The following WNK2 variants were observed in gnomAD, a reference collection of about 807,000 sequenced individuals.
WNK2 encodes the protein WNK lysine deficient protein kinase 2.
Under a neutral mutation model 192.1 loss-of-function variants are expected in WNK2, and 67 were observed. The ratio of observed to expected loss-of-function variants is 0.35; its 90% CI spans 0.29 to 0.43. The LOEUF is 0.43. Among genes scored for constraint, WNK2 ranks in the 20% least tolerant of loss-of-function variants. The pLI is 1.00. For missense variants in WNK2, 2,698 were observed against 3,089.7 expected, an observed-to-expected ratio of 0.87 and a Z score of 3.01; for synonymous variants, 1,439 against 1,393.9, an observed-to-expected ratio of 1.03 and a Z score of -0.72.
intron 9 of WNK2, among the ~76,000 whole-genome samples, chr9:93,255,795 G>A (rs147651987): frequency 1.3e-5 from 2 of 152,258 alleles, no homozygotes; most frequent in East Asian, 1.9e-4. Flanking sequence ...TAACAAATTC[G>A]CAGCAATTCC....
rs376985644 is a variant in WNK2 at position 93,229,688 on chromosome 9, C to A, written c.682-8C>A. ...TCTTGCCCACTTAGCATGTCTCTTG[C>A]CCTGTAGGACCGGAAGCTCACCAAG... On this transcript the variant is annotated splice_polypyrimidine_tract_variant and splice_region_variant and intron_variant, in intron 2 of 29. Coordinates refer to ENST00000427277, the MANE Select transcript of WNK2 (RefSeq NM_006648.4). The surrounding 1 kb of genome is among the most constrained non-coding windows in gnomAD (Gnocchi z 4.9). 2 of 1,611,482 alleles carry A rather than the reference C, an allele frequency of 1.2e-6. No homozygotes were observed. The highest frequency in any genetic ancestry group is 1.7e-6 in the Non-Finnish European group (2 of 1,178,648).
At chr9:93,277,489 A>G (rs1034590558) in intron 19 of WNK2, among the ~76,000 whole-genome samples, 1 of 152,216 alleles carries the variant, frequency 6.6e-6, no homozygotes, top group African/African-American at 2.4e-5. Flanking sequence ...GTGAATAGAT[A>G]AAAACTATGG....
chr9:93,232,623 C>A (rs1334789025), intron 4 of WNK2, among the ~76,000 whole-genome samples: 1 of 152,238 alleles, frequency 6.6e-6, no homozygotes, highest in Non-Finnish European at 1.5e-5. Flanking sequence ...TGTGAAGCGG[C>A]AGCCCCGGCA....
chr9:93,245,300 A>C (rs981596966), intron 7 of WNK2, among the ~76,000 whole-genome samples: 1 of 152,178 alleles, frequency 6.6e-6, no homozygotes, highest in East Asian at 1.9e-4. Context: ...AATACCGTCA[A>C]TCCTCAGGCC....
At position 93,185,406 on chromosome 9, in the gene WNK2, C is replaced by T; in HGVS notation, c.477C>T (p.Ala159=). ...ATVRKEDEGA[A]EAKPEPGRTR... is the part of the protein sequence containing the mutation. ...TGAGGAAGGAGGATGAGGGGGCGGC[C>T]GAGGCGAAGCCTGAGCCCGGGCGCA... The change falls in exon 2 of 30, where the codon GCC becomes GCT. Residue 159 remains alanine (A), a synonymous_variant. Transcript: ENST00000427277. The T allele has an allele frequency of 6.2e-7, 1 of 1,606,474 alleles. No individual in the cohort carries two copies. The highest frequency in any genetic ancestry group is 8.5e-7 in the Non-Finnish European group (1 of 1,177,380).
intron 28 of WNK2, among the ~76,000 whole-genome samples, chr9:93,309,471 C>T (rs1349608504): frequency 6.6e-6 from 1 of 152,156 alleles, no homozygotes. Context: ...TGGTATCTCT[C>T]CTCTAAATTT....
chr9:93,204,728 C>A (rs2131344853), intron 2 of WNK2, among the ~76,000 whole-genome samples: 1 of 152,052 alleles, frequency 6.6e-6, no homozygotes, highest in Non-Finnish European at 1.5e-5. Flanking sequence ...ATGTGAATGT[C>A]ATAGCAGATT....
At position 93,235,018 on chromosome 9, in the gene WNK2, C is replaced by T. The variant is rs143923367; in HGVS notation, c.1233+53C>T. 1.5e-4 allele frequency: 236 copies of T among 1,600,064 alleles called. 1 individual carries two copies. The East Asian group carries it at 1.7e-3, about 11-fold the overall frequency. On this transcript the variant is annotated intron_variant, in intron 5 of 29. Coordinates refer to ENST00000427277, the MANE Select transcript of WNK2 (RefSeq NM_006648.4). Reference sequence around the variant, plus strand: ...TAATAAGGACACAGAGGCCTTGGGCCGTACCCTGGGCTGGGCTCCATGTGG... The same window carrying T: ...TAATAAGGACACAGAGGCCTTGGGCTGTACCCTGGGCTGGGCTCCATGTGG...
At chr9:93,217,629 C>G (rs946606823) in intron 2 of WNK2, among the ~76,000 whole-genome samples, 2 of 152,234 alleles carry the variant, frequency 1.3e-5, no homozygotes, top group African/African-American at 4.8e-5. Flanking sequence ...CTGCTTTACC[C>G]TTCCATGGTC....
intron 19 of WNK2, among the ~76,000 whole-genome samples, chr9:93,274,297 C>T (rs578146312): frequency 7.8e-4 from 119 of 152,128 alleles, no homozygotes; most frequent in African/African-American, 2.3e-3. Context: ...TGGATCACGA[C>T]GTCAGGAGAT....
In WNK2 at chr9:93,289,549, G is replaced by T. The variant is rs372738488; in HGVS notation, c.4795G>T (p.Gly1599Trp). 5 of 1,565,078 alleles carry T rather than the reference G, an allele frequency of 3.2e-6. No homozygotes were observed. The highest frequency in any genetic ancestry group is 4.3e-6 in the Non-Finnish European group (5 of 1,152,900). The change falls in exon 20 of 30, where the codon GGG (glycine) becomes TGG (tryptophan). Residue 1599 changes from glycine to tryptophan, a missense_variant. Coordinates refer to ENST00000427277, the MANE Select transcript of WNK2 (RefSeq NM_006648.4). ...RGDQPRSEVC[G>W]GDLALPPVPK... The stretch of plus-strand genomic sequence containing the variant: ...GGACCAGCCCCGCTCAGAGGTCTGC[G>T]GGGGGGACCTGGCCCTGCCCCCAGT...
intron 24 of WNK2, among the ~76,000 whole-genome samples, chr9:93,298,493 G>A (rs968044196): frequency 2.0e-5 from 3 of 152,204 alleles, no homozygotes; most frequent in African/African-American, 7.2e-5. Context: ...TGATCTCCCA[G>A]TCTTGTTAAA....
chr9:93,218,711 C>G (rs1365831829), intron 2 of WNK2, among the ~76,000 whole-genome samples: 2 of 152,216 alleles, frequency 1.3e-5, no homozygotes, highest in African/African-American at 4.8e-5. Flanking sequence ...GGGGCTGGCC[C>G]TGCAGTGTCT....
chr9:93,232,126 G>A (rs1183403282), intron 4 of WNK2, among the ~76,000 whole-genome samples: 1 of 152,222 alleles, frequency 6.6e-6, no homozygotes, highest in East Asian at 1.9e-4. Flanking sequence ...AGGACAGTGA[G>A]CAGTCGATCT....
At chr9:93,256,910 AT>A in intron 10 of WNK2, 37 bp from the exon 11 acceptor site, 2 of 1,518,664 alleles carry the variant, frequency 1.3e-6, no homozygotes, top group Non-Finnish European at 1.8e-6. Flanking sequence ...GTCTGGGCAG[AT>A]TGGTGGTCTA....
chr9:93,256,497 C>CA (rs1464973676), intron 10 of WNK2, 43 bp downstream of exon 10: 42 of 1,482,378 alleles, frequency 2.8e-5, no homozygotes, highest in Non-Finnish European at 3.7e-5. Context: ...TCCAGGCAGG[C>CA]AGTCACCTGT....
intron 28 of WNK2, among the ~76,000 whole-genome samples, chr9:93,315,216 G>A (rs183479000): frequency 2.5e-4 from 38 of 152,270 alleles, no homozygotes; most frequent in African/African-American, 8.7e-4. Context: ...TCTTCTCTGC[G>A]CCTGATGTGG....
chr9:93,269,836 A>AT (rs1845772968), intron 19 of WNK2, among the ~76,000 whole-genome samples: 2 of 152,122 alleles, frequency 1.3e-5, no homozygotes, highest in African/African-American at 2.4e-5. Flanking sequence ...TCTTTTTTCT[A>AT]TTTAAAAAAA....
intron 2 of WNK2, among the ~76,000 whole-genome samples, chr9:93,200,224 C>T (rs191192418): frequency 3.1e-4 from 47 of 152,208 alleles, no homozygotes; most frequent in African/African-American, 1.0e-3. Flanking sequence ...GGGGCCTCCT[C>T]GAGGCCTGGC....
Sources: gnomAD v4.1 joint callset for allele counts (sites outside exome capture counted in the v4.1 genomes callset) on GRCh38, gnomAD v4.1.1 for gene constraint, Gnocchi (gnomAD v3.1) non-coding constraint, MANE v1.5 for transcripts, NCBI Gene and HGNC (gene_info 2026-07-23, HGNC 2026-07-21) for gene names.